Variants in TBC1D4 observed in about 807,000 individuals in gnomAD.
TBC1D4 encodes TBC1 domain family member 4.
Under a neutral mutation model 142.5 loss-of-function variants are expected in TBC1D4, and 121 were observed. The observed-to-expected ratio is 0.85, with a 90% CI of 0.73 to 0.99. TBC1D4 has a LOEUF of 0.99. TBC1D4 is among the 50% of genes least tolerant of loss of function. The pLI, the probability that TBC1D4 is intolerant of heterozygous loss-of-function variation, is 0.00. For missense variants in TBC1D4, 1,475 were observed against 1,606.6 expected (o/e 0.92, Z 1.40); for synonymous variants, 630 against 628.2 (o/e 1.00, Z -0.04).
At chr13:75,400,378 C>T (rs1018875634) in intron 1 of TBC1D4, among the ~76,000 whole-genome samples, 40 of 152,224 alleles carry the variant, frequency 2.6e-4, no homozygotes, top group Admixed American at 1.9e-3. Flanking sequence ...CATTTACCAC[C>T]GCCACTACTT....
intron 1 of TBC1D4, among the ~76,000 whole-genome samples, chr13:75,431,069 G>A (rs917213326): frequency 1.3e-5 from 2 of 152,124 alleles, no homozygotes; most frequent in Admixed American, 6.6e-5. Flanking sequence ...GGTGTCCCAG[G>A]GAGAATAAAA....
intron 1 of TBC1D4, among the ~76,000 whole-genome samples, chr13:75,404,983 A>T (rs549077668): frequency 3.6e-4 from 55 of 152,274 alleles, no homozygotes; most frequent in Admixed American, 1.8e-3. Flanking sequence ...GGTACTGCAC[A>T]TCTATGTGGG....
chr13:75,476,734 C>T (rs571941205), intron 1 of TBC1D4, among the ~76,000 whole-genome samples: 15 of 152,324 alleles, frequency 9.8e-5, no homozygotes, highest in African/African-American at 3.4e-4. Context: ...AATGGTCATA[C>T]AGCCAACCAA....
In TBC1D4 at chr13:75,481,344, G is replaced by C; in HGVS notation, c.424C>G (p.Leu142Val). Residue 142 changes from leucine (L) to valine (V), a missense_variant, in exon 1 of 21, where the codon CTG becomes GTG. Transcript: ENST00000377636. ...NSHDLTYFAY[L>V]IKAQPDDPES... ...GGGTCGTCGGGCTGCGCCTTGATCA[G>C]GTAGGCAAAGTAGGTGAGGTCGTGG... 2 of 1,613,942 alleles carry C rather than the reference G, an allele frequency of 1.2e-6. No individual in the cohort carries two copies. The highest frequency in any genetic ancestry group is 1.7e-5 in the Admixed American group (1 of 60,028).
intron 1 of TBC1D4, among the ~76,000 whole-genome samples, chr13:75,409,985 T>G (rs2138391349): frequency 6.6e-6 from 1 of 152,340 alleles, no homozygotes; most frequent in Middle Eastern, 3.4e-3. Flanking sequence ...CTTTCAGATT[T>G]TTAAATTTGT....
chr13:75,480,960 G>C lies in TBC1D4; in HGVS notation c.498+310C>G, dbSNP rs9573563. Among the ~76,000 whole-genome samples, 9,313 of 151,910 alleles carry C rather than the reference G, an allele frequency of 0.061. 419 individuals carry two copies. The highest frequency in any genetic ancestry group is 0.24 in the East Asian group (1,207 of 5,122). On this transcript the variant is annotated intron_variant, in intron 1 of 20. Transcript: ENST00000377636. ...CAGACACCGCCGTCCTCCCGGGACG[G>C]GCGCTCCTCCACGCGTGCTCCTTGG...
chr13:75,456,533 C>T (rs538090589), intron 1 of TBC1D4, among the ~76,000 whole-genome samples: 1 of 152,118 alleles, frequency 6.6e-6, no homozygotes, highest in African/African-American at 2.4e-5. Context: ...ATGGCCAATG[C>T]ATATGAAAAG....
intron 18 of TBC1D4, among the ~76,000 whole-genome samples, chr13:75,294,274 T>G (rs1380907632): frequency 1.3e-5 from 2 of 152,216 alleles, no homozygotes; most frequent in Non-Finnish European, 2.9e-5. Context: ...TAACTTGCCC[T>G]GAGCTCTACT....
At chr13:75,367,046 A>G in intron 1 of TBC1D4, 1 of 925,854 alleles carries the variant, frequency 1.1e-6, no homozygotes, top group Non-Finnish European at 1.3e-6. Context: ...CATTGTATTT[A>G]TTAAAGTCCA....
chr13:75,290,369 T>C lies in TBC1D4; in HGVS notation c.3487-1259A>G, dbSNP rs1031952683. On this transcript the variant is annotated intron_variant, in intron 19 of 20. Transcript: ENST00000377636. ...AGCATTTCATTCCACAGTAATCAAC[T>C]CTAATTGTTAGTAAATTCTCTCCAA... 3.3e-5 allele frequency among the ~76,000 whole-genome samples: 5 copies of C among 152,084 alleles called. No homozygotes were observed. The South Asian group carries it at 1.0e-3, about 31-fold the overall frequency.
At chr13:75,337,103 T>G in intron 7 of TBC1D4, 63 bp from the exon 8 acceptor site, 1 of 1,488,338 alleles carries the variant, frequency 6.7e-7, no homozygotes, top group Non-Finnish European at 9.3e-7. Flanking sequence ...GAAACTTTAA[T>G]TATAGGCTTA....
chr13:75,440,754 T>A (rs1249893574), intron 1 of TBC1D4, among the ~76,000 whole-genome samples: 1 of 148,074 alleles, frequency 6.8e-6, no homozygotes, highest in African/African-American at 2.5e-5. Flanking sequence ...TTTTTTTTTG[T>A]AGAGACAGGG....
chr13:75,318,405 C>T (rs565116863), intron 12 of TBC1D4, among the ~76,000 whole-genome samples: 1 of 152,332 alleles, frequency 6.6e-6, no homozygotes, highest in South Asian at 2.1e-4. Context: ...CTGTCTAAAT[C>T]TGTATCTAAA....
chr13:75,472,375 C>T (rs1317304490), intron 1 of TBC1D4, among the ~76,000 whole-genome samples: 2 of 151,764 alleles, frequency 1.3e-5, no homozygotes, highest in Non-Finnish European at 2.9e-5. Flanking sequence ...GCCGAGATCA[C>T]GCCACTGCAT....
intron 8 of TBC1D4, among the ~76,000 whole-genome samples, chr13:75,331,957 C>A (rs1383301555): frequency 6.6e-6 from 1 of 151,280 alleles, no homozygotes; most frequent in Non-Finnish European, 1.5e-5. Flanking sequence ...ATCTGTTGCA[C>A]ACGGTACAAG....
chr13:75,307,112 A>C (rs1203323895), intron 14 of TBC1D4, among the ~76,000 whole-genome samples: 1 of 152,100 alleles, frequency 6.6e-6, no homozygotes, highest in Non-Finnish European at 1.5e-5. Context: ...GGCATGCGCC[A>C]CTACACTTGG....
At chr13:75,408,528 T>C (rs1319423492) in intron 1 of TBC1D4, among the ~76,000 whole-genome samples, 2 of 152,342 alleles carry the variant, frequency 1.3e-5, no homozygotes, top group South Asian at 2.1e-4. Flanking sequence ...ATCAACCAAA[T>C]AGTGTCATGT....
chr13:75,291,969 A>G (rs1393397797), intron 19 of TBC1D4, 133 bp downstream of exon 19: 2 of 804,502 alleles, frequency 2.5e-6, no homozygotes, highest in African/African-American at 3.5e-5. Flanking sequence ...AAATTTCACA[A>G]TAGTCCCCTT....
intron 1 of TBC1D4, among the ~76,000 whole-genome samples, chr13:75,396,743 A>G (rs1373530565): frequency 6.6e-6 from 1 of 152,190 alleles, no homozygotes; most frequent in Non-Finnish European, 1.5e-5. Flanking sequence ...AACAACAGAA[A>G]CAAGTAATCA....
Sources: allele counts gnomAD v4.1 joint callset (sites outside exome capture counted in the v4.1 genomes callset), GRCh38; gene constraint gnomAD v4.1.1; transcripts MANE v1.5; gene names NCBI Gene and HGNC (gene_info 2026-07-23, HGNC 2026-07-21).